The following MCM5 variants were observed in gnomAD, a reference collection of about 807,000 sequenced individuals.
MCM5 encodes minichromosome maintenance complex component 5.
MCM5 carries 46 observed loss-of-function variants against 79.9 expected under a neutral mutation model. That is an observed-to-expected ratio of 0.58 (90% CI 0.45 to 0.74). MCM5 has a LOEUF of 0.74. Ranked by LOEUF, MCM5 falls within the 30% of genes least tolerant of loss-of-function variation. MCM5 has a pLI of 0.00. For missense variants in MCM5, 883 were observed against 1,017.0 expected (o/e 0.87, Z 1.79); for synonymous variants, 404 against 390.5 (o/e 1.03, Z -0.41).
At chr22:35,447,911 T>TC in the MCM5 span, among the ~76,000 whole-genome samples, 1 of 152,110 alleles carries the variant, frequency 6.6e-6, no homozygotes, top group Non-Finnish European at 1.5e-5. Flanking sequence ...AGATCCTGCC[T>TC]CCCCGAGTCC....
chr22:35,405,114 C>G (rs1470562044), intron 4 of MCM5, among the ~76,000 whole-genome samples: 3 of 148,500 alleles, frequency 2.0e-5, no homozygotes, highest in African/African-American at 7.5e-5. Flanking sequence ...CAACTTCCGC[C>G]TCATGGGTTC....
chr22:35,423,840 G>C (rs1312266507), intron 16 of MCM5: 1 of 299,744 alleles, frequency 3.3e-6, no homozygotes, highest in East Asian at 5.8e-5. Context: ...TTTTGATTCA[G>C]GGCAGTTTAA....
chr22:35,427,853 A>G (rs1424473016), downstream of MCM5, among the ~76,000 whole-genome samples: 1 of 152,046 alleles, frequency 6.6e-6, no homozygotes, highest in Non-Finnish European at 1.5e-5. Flanking sequence ...TATTAAAAAT[A>G]TGAGGCAGTA....
In MCM5 at chr22:35,415,715, A is replaced by G. The variant is rs1932520770; in HGVS notation, c.1204-114A>G. 5 of 1,189,530 alleles carry G rather than the reference A, an allele frequency of 4.2e-6. No individual in the cohort carries two copies. In the South Asian group the frequency reaches 5.5e-5, roughly 13 times the overall value. The allele number at this position is 1,189,530 out of a possible 1,614,324, so 73.7% of individuals were successfully genotyped here. On this transcript the variant is annotated intron_variant, in intron 9 of 16. Coordinates refer to ENST00000216122, the MANE Select transcript of MCM5 (RefSeq NM_006739.4). ...CCTTGAGTCCTATTCTGTACCCTGCAGCCAGCTTTGATGTGTGACCTTGGG... is the reference window on the plus strand; with the variant it reads ...CCTTGAGTCCTATTCTGTACCCTGCGGCCAGCTTTGATGTGTGACCTTGGG...
At position 35,407,993 on chromosome 22, in the gene MCM5, C is replaced by T. The variant is rs77065989; in HGVS notation, c.597-415C>T. On this transcript the variant is annotated intron_variant, in intron 5 of 16. Transcript: ENST00000216122. ...ATAATGACATAATTACCTAGGGATA[C>T]GTAGAGGCTTAGACCCTCAGAATGG... Among the ~76,000 whole-genome samples, 577 of 152,230 alleles carry T rather than the reference C, an allele frequency of 3.8e-3. 7 individuals are homozygous for T. Among genetic ancestry groups the T allele is most frequent in the African/African-American group, 0.013 (536 of 41,530 alleles).
At chr22:35,428,784 AGTT>A (rs1932793649), downstream of MCM5, among the ~76,000 whole-genome samples, 1 of 151,484 alleles carries the variant, frequency 6.6e-6, no homozygotes, top group Non-Finnish European at 1.5e-5. Context: ...CATACTTACT[AGTT>A]GTTTTAGAGA....
At chr22:35,419,324 A>AGAGGG (rs1353806838) in intron 13 of MCM5, among the ~76,000 whole-genome samples, 1 of 152,238 alleles carries the variant, frequency 6.6e-6, no homozygotes, top group Non-Finnish European at 1.5e-5. Flanking sequence ...CCTGGGGGCT[A>AGAGGG]GAGGGGAGGG....
the MCM5 span, among the ~76,000 whole-genome samples, chr22:35,440,272 G>GC: frequency 6.6e-6 from 1 of 152,214 alleles, no homozygotes; most frequent in Non-Finnish European, 1.5e-5. Context: ...AGATCAGTAG[G>GC]CCCCCCTGGG....
intron 2 of MCM5, among the ~76,000 whole-genome samples, chr22:35,402,578 G>C (rs143341845): frequency 1.7e-4 from 25 of 151,294 alleles, no homozygotes; most frequent in Admixed American, 6.6e-4. Flanking sequence ...TTTTGAGACA[G>C]AGTCTCAGTC....
chr22:35,417,713 G>A, intron 12 of MCM5, 31 bp from the exon 13 acceptor site: 1 of 1,505,404 alleles, frequency 6.6e-7, no homozygotes, highest in Non-Finnish European at 9.2e-7. Flanking sequence ...GACGGCCTGT[G>A]GGATGACCCA....
chr22:35,415,360 C>T (rs1239718781), intron 9 of MCM5, among the ~76,000 whole-genome samples: 1 of 152,148 alleles, frequency 6.6e-6, no homozygotes, highest in Non-Finnish European at 1.5e-5. Context: ...GTATTTTGCA[C>T]GATTAAGGAC....
intron 12 of MCM5, among the ~76,000 whole-genome samples, chr22:35,417,024 G>A (rs909497024): frequency 1.3e-5 from 2 of 152,196 alleles, no homozygotes; most frequent in Non-Finnish European, 2.9e-5. Flanking sequence ...TGCCTCTGCC[G>A]TGAGTGATAA....
At chr22:35,449,930 C>T in the MCM5 span, among the ~76,000 whole-genome samples, 1 of 152,078 alleles carries the variant, frequency 6.6e-6, no homozygotes, top group African/African-American at 2.4e-5. Context: ...TACAGGTGTG[C>T]ACCACCATGC....
chr22:35,421,511 G>T, intron 15 of MCM5, 51 bp downstream of exon 15: 2 of 1,611,628 alleles, frequency 1.2e-6, no homozygotes. Context: ...TCCCTGGCTC[G>T]GAGCTCTGTG....
intron 5 of MCM5, among the ~76,000 whole-genome samples, chr22:35,407,991 T>C (rs1040827377): frequency 6.6e-6 from 1 of 152,176 alleles, no homozygotes; most frequent in Non-Finnish European, 1.5e-5. Context: ...TACCTAGGGA[T>C]ACGTAGAGGC....
Position 35,413,992 on chromosome 22 carries a change from T to A in MCM5, c.1203+6T>A, listed in dbSNP as rs1280803068. ...AGAAGTGTTCTCCCATTGGGGTGAG[T>A]GGCCTGGGATACCTTTGCCACCTTG... On this transcript the variant is annotated splice_donor_region_variant and intron_variant, in intron 9 of 16. Transcript: ENST00000216122. 5 of 1,599,244 alleles carry A rather than the reference T, an allele frequency of 3.1e-6. No individual in the cohort carries two copies. Among genetic ancestry groups the A allele is most frequent in the Non-Finnish European group, 4.3e-6 (5 of 1,166,648 alleles).
At chr22:35,446,317 G>A in the MCM5 span, among the ~76,000 whole-genome samples, 2 of 152,144 alleles carry the variant, frequency 1.3e-5, 1 homozygote, top group Non-Finnish European at 2.9e-5. Flanking sequence ...ATTAGAACAA[G>A]GCCCTGGCTG....
At chr22:35,443,987 A>G in the MCM5 span, among the ~76,000 whole-genome samples, 2 of 152,120 alleles carry the variant, frequency 1.3e-5, no homozygotes, top group Non-Finnish European at 2.9e-5. Context: ...TATCTGTAAA[A>G]TGGGAGCAGG....
chr22:35,438,080 G>A, the MCM5 span, among the ~76,000 whole-genome samples: 45 of 152,194 alleles, frequency 3.0e-4, 1 homozygote, highest in South Asian at 1.5e-3. Flanking sequence ...ACCCAGGCAC[G>A]GACCATTGTC....
Sources: allele counts gnomAD v4.1 joint callset (sites outside exome capture counted in the v4.1 genomes callset), GRCh38; gene constraint gnomAD v4.1.1; transcripts MANE v1.5; gene names NCBI Gene and HGNC (gene_info 2026-07-23, HGNC 2026-07-21).